Variants in OPA1 observed in about 807,000 individuals in gnomAD.
OPA1 encodes the protein OPA1 mitochondrial dynamin like GTPase.
A neutral mutation model predicts 152.9 loss-of-function variants in OPA1; 59 were observed. That is an observed-to-expected ratio of 0.39 (90% CI 0.31 to 0.48). OPA1 has a LOEUF of 0.48. Among genes scored for constraint, OPA1 ranks in the 20% least tolerant of loss-of-function variants. The pLI, the probability that OPA1 is intolerant of heterozygous loss-of-function variation, is 0.96. For missense variants in OPA1, 1,008 were observed against 1,216.8 expected (o/e 0.83, Z 2.55); for synonymous variants, 400 against 389.9 (o/e 1.03, Z -0.31).
chr3:193,679,514 C>T (rs545625046), intron 29 of OPA1, among the ~76,000 whole-genome samples: 2 of 152,174 alleles, frequency 1.3e-5, no homozygotes, highest in African/African-American at 4.8e-5. Context: ...GAGAAATTAA[C>T]GTTCATTGAC....
chr3:193,622,792 A>T (rs573362037), intron 6 of OPA1, among the ~76,000 whole-genome samples: 19 of 152,300 alleles, frequency 1.2e-4, no homozygotes, highest in African/African-American at 4.3e-4. Context: ...CACCTGGGAT[A>T]GTCTTGTGTC....
chr3:193,593,460 T>C (rs1365525861), intron 1 of OPA1, 51 bp downstream of exon 1: 1 of 1,477,072 alleles, frequency 6.8e-7, no homozygotes, highest in Non-Finnish European at 9.1e-7. Context: ...CTCTTGAGAG[T>C]GGGGCTGTCT....
At chr3:193,621,224 A>C (rs1730004216) in intron 6 of OPA1, among the ~76,000 whole-genome samples, 1 of 152,258 alleles carries the variant, frequency 6.6e-6, no homozygotes, top group Non-Finnish European at 1.5e-5. Context: ...AACTAAAGAA[A>C]AGATTTGTCC....
chr3:193,611,690 CT>C (rs1405492281), intron 1 of OPA1, among the ~76,000 whole-genome samples: 19 of 150,134 alleles, frequency 1.3e-4, no homozygotes, highest in Admixed American at 1.3e-3. Context: ...TTTAGTTAAA[CT>C]GCTAAGTTCA....
chr3:193,614,858 G>A lies in OPA1; in HGVS notation c.168G>A (p.Arg56=). The A allele has an allele frequency of 6.2e-7, 1 of 1,614,022 alleles. No individual in the cohort carries two copies. Among genetic ancestry groups the A allele is most frequent in the Non-Finnish European group, 8.5e-7 (1 of 1,179,938 alleles). ...PTLKLQRPQL[R]TSFQQFSSLT... ...TAAAGCTTCAACGACCCCAATTAAG[G>A]ACATCCTTTCAGCAGTTCTCTTCTC... Residue 56 remains arginine (R), a synonymous_variant, in exon 2 of 31, where the codon AGG becomes AGA. Coordinates refer to ENST00000361510, the MANE Select transcript of OPA1 (RefSeq NM_130837.3).
chr3:193,612,982 G>A (rs1728487961), intron 1 of OPA1, among the ~76,000 whole-genome samples: 1 of 152,198 alleles, frequency 6.6e-6, no homozygotes, highest in Admixed American at 6.5e-5. Flanking sequence ...CGGCCTCAGT[G>A]GGTACCTCAC....
intron 18 of OPA1, among the ~76,000 whole-genome samples, chr3:193,646,084 G>A (rs1734556091): frequency 1.3e-5 from 2 of 152,164 alleles, no homozygotes. Flanking sequence ...TACTTATAAA[G>A]TGGTTTTAGA....
intron 29 of OPA1, among the ~76,000 whole-genome samples, chr3:193,674,742 C>T (rs529140704): frequency 3.9e-5 from 6 of 152,338 alleles, no homozygotes; most frequent in Admixed American, 1.3e-4. Context: ...TCCGACACTT[C>T]TCCCATACCT....
intron 29 of OPA1, among the ~76,000 whole-genome samples, chr3:193,676,487 C>CA (rs899410584): frequency 1.1e-4 from 16 of 152,020 alleles, no homozygotes; most frequent in African/African-American, 3.1e-4. Context: ...AACAAACAAA[C>CA]AAAAAAACCT....
chr3:193,593,309 C>T lies in OPA1; in HGVS notation c.-69C>T, dbSNP rs1724933711. The T allele has an allele frequency of 6.7e-6, 10 of 1,489,374 alleles. No individual in the cohort carries two copies. The highest frequency in any genetic ancestry group is 9.0e-6 in the Non-Finnish European group (10 of 1,110,638). The allele number at this position is 1,489,374 out of a possible 1,614,324, so 92.3% of individuals were successfully genotyped here. On this transcript the variant is annotated 5_prime_UTR_variant, in exon 1 of 31. Transcript: ENST00000361510. Reference sequence around the variant, plus strand: ...CCTGGGTCATTCCTGGACCGGGAGCCGGGCTGGGGCTCACACGGGGGCTCC... The same window carrying T: ...CCTGGGTCATTCCTGGACCGGGAGCTGGGCTGGGGCTCACACGGGGGCTCC...
intron 1 of OPA1, among the ~76,000 whole-genome samples, chr3:193,611,631 A>G (rs1318107953): frequency 6.7e-6 from 1 of 150,092 alleles, no homozygotes; most frequent in African/African-American, 2.4e-5. Context: ...AGTTCAGCTA[A>G]GGCCACCAAT....
At chr3:193,638,171 T>C (rs765368116) in intron 11 of OPA1, 106 bp downstream of exon 11, 4 of 821,656 alleles carry the variant, frequency 4.9e-6, no homozygotes, top group Middle Eastern at 2.2e-4. Flanking sequence ...AAAGACTTGA[T>C]ACATAGTGTT....
At position 193,697,774 on chromosome 3, in the gene OPA1, T is replaced by G. The variant is rs1187540081; in HGVS notation, c.*3174T>G. 1 of 152,222 alleles carries G rather than the reference T, an allele frequency of 6.6e-6. No individual in the cohort carries two copies. Among genetic ancestry groups the G allele is most frequent in the Non-Finnish European group, 1.5e-5 (1 of 68,032 alleles). The allele number at this position is 152,222 out of a possible 1,614,324, so 9.4% of individuals were successfully genotyped here. A position where few individuals can be genotyped will look rare whatever the true frequency, so the allele number is the denominator to read the frequency against. On this transcript the variant is annotated 3_prime_UTR_variant, in exon 31 of 31. Coordinates refer to ENST00000361510, the MANE Select transcript of OPA1 (RefSeq NM_130837.3). ...TACTTGTCAAAACATTTTGTTATTT[T>G]CCTTGGTAAAATATATAAAAAAGGT...
chr3:193,634,666 C>CCA (rs1324534872), intron 8 of OPA1, among the ~76,000 whole-genome samples: 1 of 152,154 alleles, frequency 6.6e-6, no homozygotes, highest in Non-Finnish European at 1.5e-5. Flanking sequence ...CCTCGGCCTC[C>CCA]CAAAGTGCTG....
At chr3:193,607,033 T>C (rs938809999) in intron 1 of OPA1, among the ~76,000 whole-genome samples, 5 of 152,258 alleles carry the variant, frequency 3.3e-5, no homozygotes, top group African/African-American at 9.6e-5. Context: ...ATGAGCATTT[T>C]TTCATGTGTC....
At chr3:193,690,729 A>C (rs901109560) in intron 29 of OPA1, among the ~76,000 whole-genome samples, 2 of 152,312 alleles carry the variant, frequency 1.3e-5, no homozygotes, top group African/African-American at 4.8e-5. Flanking sequence ...TTAAATATAA[A>C]AGATATAAAT....
At position 193,633,696 on chromosome 3, in the gene OPA1, C is replaced by T. The variant is rs563859353; in HGVS notation, c.844-1722C>T. ...ATAATATATTTAACCCAGTCTATCC[C>T]AGATAGTATCATTTCAACATGTGAT... On this transcript the variant is annotated intron_variant, in intron 8 of 30. Transcript: ENST00000361510. 9.2e-5 allele frequency among the ~76,000 whole-genome samples: 14 copies of T among 152,166 alleles called. No individual in the cohort carries two copies. The South Asian group carries it at 2.7e-3, about 29-fold the overall frequency.
At chr3:193,599,921 A>G (rs1726205984) in intron 1 of OPA1, among the ~76,000 whole-genome samples, 1 of 152,220 alleles carries the variant, frequency 6.6e-6, no homozygotes, top group African/African-American at 2.4e-5. Context: ...ACATAGAAAC[A>G]GTGAGATTGG....
chr3:193,625,964 A>G, intron 6 of OPA1, 128 bp from the exon 7 acceptor site: 1 of 757,248 alleles, frequency 1.3e-6, no homozygotes, highest in Non-Finnish European at 2.4e-6. Context: ...ACGGCTTTAA[A>G]TGAGTTTCCA....
Sources: allele counts gnomAD v4.1 joint callset (sites outside exome capture counted in the v4.1 genomes callset), GRCh38; gene constraint gnomAD v4.1.1; transcripts MANE v1.5; gene names NCBI Gene and HGNC (gene_info 2026-07-23, HGNC 2026-07-21).